The following RAPGEF2 variants were observed in gnomAD, a reference collection of about 807,000 sequenced individuals.
RAPGEF2 encodes Rap guanine nucleotide exchange factor 2.
Under a neutral mutation model 186.7 loss-of-function variants are expected in RAPGEF2, and 54 were observed. That is an observed-to-expected ratio of 0.29 (90% confidence interval 0.23 to 0.36). The LOEUF is 0.36. RAPGEF2 is among the 10% of genes least tolerant of loss of function. The pLI is 1.00. For synonymous variants in RAPGEF2, 712 were observed against 705.9 expected, an observed-to-expected ratio of 1.01 and a Z score of -0.14; for missense variants, 1,532 against 2,045.0, an observed-to-expected ratio of 0.75 and a Z score of 4.84.
intron 1 of RAPGEF2, among the ~76,000 whole-genome samples, chr4:159,110,278 A>G (rs1376153437): frequency 6.6e-6 from 1 of 152,192 alleles, no homozygotes; most frequent in Non-Finnish European, 1.5e-5. Context: ...CTAGTTTGAA[A>G]TATCTGGTTA....
chr4:159,110,833 T>G (rs1216849552), intron 1 of RAPGEF2, among the ~76,000 whole-genome samples: 6 of 152,204 alleles, frequency 3.9e-5, no homozygotes, highest in Non-Finnish European at 8.8e-5. Context: ...AATTAATTGA[T>G]GTTGGTAAAT....
chr4:159,193,117 CTG>C, intron 2 of RAPGEF2, 81 bp from the exon 3 acceptor site: 2 of 649,450 alleles, frequency 3.1e-6, no homozygotes, highest in Non-Finnish European at 4.6e-6. Context: ...ATTTTCTAGA[CTG>C]TATGTGTCAT....
intron 1 of RAPGEF2, among the ~76,000 whole-genome samples, chr4:159,109,469 A>G (rs963547728): frequency 3.3e-5 from 5 of 152,336 alleles, no homozygotes; most frequent in East Asian, 1.9e-4. Flanking sequence ...GGTAAAATGG[A>G]TAATAGCTGT....
At chr4:159,276,972 G>A (rs1293386932) in intron 7 of RAPGEF2, among the ~76,000 whole-genome samples, 8 of 152,140 alleles carry the variant, frequency 5.3e-5, no homozygotes, top group Admixed American at 6.5e-5. Flanking sequence ...TGTGCACAAC[G>A]TGCAGGTTTG....
At chr4:159,108,849 T>C (rs942034825) in intron 1 of RAPGEF2, among the ~76,000 whole-genome samples, 1 of 152,080 alleles carries the variant, frequency 6.6e-6, no homozygotes, top group Non-Finnish European at 1.5e-5. Flanking sequence ...CTCGAGTAAC[T>C]GGGTCTACAG....
chr4:159,167,450 G>A (rs115072073), intron 1 of RAPGEF2, among the ~76,000 whole-genome samples: 60 of 152,288 alleles, frequency 3.9e-4, no homozygotes, highest in African/African-American at 1.4e-3. Flanking sequence ...GAAGAATGAC[G>A]GTTCAAAGCC....
intron 1 of RAPGEF2, among the ~76,000 whole-genome samples, chr4:159,148,041 T>C (rs1743130518): frequency 6.6e-6 from 1 of 152,160 alleles, no homozygotes; most frequent in South Asian, 2.1e-4. Flanking sequence ...ACAATAGACA[T>C]ATTTTATGAA....
chr4:159,128,920 G>GTGTGTGTGATGTGA, intron 1 of RAPGEF2: 1 of 134,444 alleles, frequency 7.4e-6, no homozygotes, highest in Non-Finnish European at 1.6e-5. Context: ...TACATATGGG[G>GTGTGTGTGATGTGA]GGTGTGTGTG....
At chr4:159,112,271 G>A (rs1223520465) in intron 1 of RAPGEF2, among the ~76,000 whole-genome samples, 1 of 152,136 alleles carries the variant, frequency 6.6e-6, no homozygotes, top group African/African-American at 2.4e-5. Context: ...AGAAAGTTCT[G>A]TGATAATGCG....
intron 1 of RAPGEF2, among the ~76,000 whole-genome samples, chr4:159,162,395 T>TA (rs79478746): frequency 0.024 from 3,212 of 133,432 alleles, 42 homozygotes; most frequent in Non-Finnish European, 0.028. Flanking sequence ...TACTGTCTCT[T>TA]AAAAAAAAAA....
At chr4:159,271,513 T>G (rs1758128766) in intron 7 of RAPGEF2, among the ~76,000 whole-genome samples, 1 of 152,208 alleles carries the variant, frequency 6.6e-6, no homozygotes. Flanking sequence ...TAAGAAACAG[T>G]ATTACCTTTT....
chr4:159,121,345 C>T (rs981832655), intron 1 of RAPGEF2, among the ~76,000 whole-genome samples: 2 of 151,728 alleles, frequency 1.3e-5, no homozygotes, highest in African/African-American at 4.8e-5. Flanking sequence ...CCTCCCCTCC[C>T]CTTCCTCTTC....
At chr4:159,204,046 G>A (rs1371811160) in intron 3 of RAPGEF2, among the ~76,000 whole-genome samples, 1 of 152,226 alleles carries the variant, frequency 6.6e-6, no homozygotes, top group Non-Finnish European at 1.5e-5. Context: ...GAAGGACCAT[G>A]GGGTTCATCA....
Position 159,228,085 on chromosome 4 carries a change from G to A in RAPGEF2, c.282-10724G>A, listed in dbSNP as rs572599368. Among the ~76,000 whole-genome samples, 5 of 152,156 alleles carry A rather than the reference G, an allele frequency of 3.3e-5. No homozygotes were observed. In the East Asian group the frequency reaches 7.7e-4, roughly 23 times the overall value. On this transcript the variant is annotated intron_variant, in intron 4 of 29. Coordinates refer to ENST00000691494, the MANE Select transcript of RAPGEF2 (RefSeq NM_001394067.2). ...GATAAAGAGTGTCTGTCAGGCAGCC[G>A]CTGAGGTCATGAGGCTGGTATGCGA...
At chr4:159,236,045 T>A (rs566443752) in intron 4 of RAPGEF2, among the ~76,000 whole-genome samples, 1 of 152,332 alleles carries the variant, frequency 6.6e-6, no homozygotes, top group African/African-American at 2.4e-5. Context: ...TTTGAAAAAA[T>A]AGATTGTTGA....
At chr4:159,329,787 C>T in intron 11 of RAPGEF2, 71 bp from the exon 12 acceptor site, 1 of 1,239,172 alleles carries the variant, frequency 8.1e-7, no homozygotes, top group Non-Finnish European at 1.1e-6. Flanking sequence ...AATTAAAACA[C>T]TGAATTATTA....
chr4:159,330,559 T>C, intron 13 of RAPGEF2, 61 bp downstream of exon 13: 1 of 1,184,792 alleles, frequency 8.4e-7, no homozygotes, highest in Non-Finnish European at 1.2e-6. Context: ...GATACTTTAA[T>C]GTGTATATTT....
At chr4:159,279,333 G>A (rs1216434504) in intron 7 of RAPGEF2, among the ~76,000 whole-genome samples, 1 of 152,200 alleles carries the variant, frequency 6.6e-6, no homozygotes, top group Non-Finnish European at 1.5e-5. Context: ...TGGGGAAGCT[G>A]CATGAAACAC....
At chr4:159,119,813 A>G (rs1354937111) in intron 1 of RAPGEF2, among the ~76,000 whole-genome samples, 2 of 152,170 alleles carry the variant, frequency 1.3e-5, no homozygotes, top group East Asian at 1.9e-4. Context: ...CATCCCATCT[A>G]TTGATTTAAG....
Sources: gnomAD v4.1 joint callset for allele counts (sites outside exome capture counted in the v4.1 genomes callset) on GRCh38, gnomAD v4.1.1 for gene constraint, MANE v1.5 for transcripts, NCBI Gene and HGNC (gene_info 2026-07-23, HGNC 2026-07-21) for gene names.